QNG1: variants seen among roughly 807,000 people sequenced by gnomAD.
QNG1 encodes Q-nucleotide N-glycosylase 1, also known as queuosine 5'-phosphate N-glycosylase/hydrolase.
chr9:83,955,746 G>GGAAT, the QNG1 span: 1 of 1,041,806 alleles, frequency 9.6e-7, no homozygotes, highest in South Asian at 1.5e-5. Context: ...GAGTGGTATA[G>GGAAT]GAATGCACCA....
At chr9:83,951,233 G>A in the QNG1 span, among the ~76,000 whole-genome samples, 1 of 152,120 alleles carries the variant, frequency 6.6e-6, no homozygotes. Context: ...TTGTGCCATT[G>A]CACGCCAGCA....
the QNG1 span, among the ~76,000 whole-genome samples, chr9:83,943,273 G>A: frequency 6.7e-6 from 1 of 148,716 alleles, no homozygotes; most frequent in South Asian, 2.1e-4. Flanking sequence ...CTGGGAGGCG[G>A]AGGTTCTGGT....
the QNG1 span, among the ~76,000 whole-genome samples, chr9:83,948,350 C>CCCCA: frequency 8.2e-6 from 1 of 121,986 alleles, no homozygotes; most frequent in African/African-American, 2.6e-5. Flanking sequence ...GGAGGGTCTC[C>CCCCA]GCCCGGCAGC....
the QNG1 span, among the ~76,000 whole-genome samples, chr9:83,954,604 C>T: frequency 3.3e-5 from 5 of 149,458 alleles, no homozygotes; most frequent in Admixed American, 3.4e-4. Flanking sequence ...AAAAAAGGCC[C>T]GGCACAGTGG....
At chr9:83,948,320 C>T in the QNG1 span, among the ~76,000 whole-genome samples, 1 of 100,736 alleles carries the variant, frequency 9.9e-6, no homozygotes, top group Non-Finnish European at 2.7e-5. Context: ...CGCCCGGCAG[C>T]CGCCCCGTCT....
the QNG1 span, among the ~76,000 whole-genome samples, chr9:83,940,369 G>A: frequency 7.2e-5 from 11 of 152,162 alleles, no homozygotes; most frequent in South Asian, 4.1e-4. Flanking sequence ...TGGGAGGGTC[G>A]CTTGAGTCCA....
chr9:83,939,919 C>T, the QNG1 span, among the ~76,000 whole-genome samples: 1 of 152,104 alleles, frequency 6.6e-6, no homozygotes, highest in Non-Finnish European at 1.5e-5. Context: ...TTTTAAATTA[C>T]AAGTTAAATT....
chr9:83,945,726 C>G, the QNG1 span, among the ~76,000 whole-genome samples: 1 of 151,924 alleles, frequency 6.6e-6, no homozygotes, highest in Non-Finnish European at 1.5e-5. Context: ...CTCAGCCTCC[C>G]GAGTAGCTGG....
the QNG1 span, among the ~76,000 whole-genome samples, chr9:83,951,916 T>C: frequency 6.6e-6 from 1 of 152,336 alleles, no homozygotes; most frequent in East Asian, 1.9e-4. Flanking sequence ...TGTTCATGTC[T>C]AAAAATGAAT....
chr9:83,955,626 T>C, the QNG1 span: 10 of 1,611,816 alleles, frequency 6.2e-6, no homozygotes, highest in East Asian at 2.0e-4. Flanking sequence ...TACGAGGCAC[T>C]AGTTATTGGT....
At chr9:83,956,609 G>T in the QNG1 span, 1 of 881,874 alleles carries the variant, frequency 1.1e-6, no homozygotes, top group Non-Finnish European at 1.7e-6. Context: ...CCTAAACAAG[G>T]TCCCGCCCTG....
chr9:83,953,699 C>A, the QNG1 span: 1 of 856,036 alleles, frequency 1.2e-6, no homozygotes. Flanking sequence ...GCTCTGTCAC[C>A]CAGGCTGGAG....
the QNG1 span, among the ~76,000 whole-genome samples, chr9:83,945,164 G>A: frequency 6.6e-6 from 1 of 152,036 alleles, no homozygotes; most frequent in African/African-American, 2.4e-5. Context: ...AGCACTTTGG[G>A]AGGCTGAGGT....
the QNG1 span, among the ~76,000 whole-genome samples, chr9:83,949,409 C>G: frequency 6.6e-6 from 1 of 151,986 alleles, no homozygotes; most frequent in African/African-American, 2.4e-5. Flanking sequence ...TTTGGGAGGC[C>G]GAGGCGGGTG....
chr9:83,956,602 A>G, the QNG1 span: 6 of 970,584 alleles, frequency 6.2e-6, no homozygotes, highest in Non-Finnish European at 9.0e-6. Context: ...CACAGGGCCT[A>G]AACAAGGTCC....
chr9:83,945,014 G>A, the QNG1 span: 27 of 1,524,482 alleles, frequency 1.8e-5, no homozygotes, highest in South Asian at 8.6e-5. Context: ...GAATATAAAC[G>A]TTATTTGAGT....
chr9:83,951,924 AATG>A, the QNG1 span, among the ~76,000 whole-genome samples: 1 of 152,232 alleles, frequency 6.6e-6, no homozygotes, highest in East Asian at 1.9e-4. Context: ...TCTAAAAATG[AATG>A]ATAATCTCAG....
chr9:83,943,837 C>G, the QNG1 span, among the ~76,000 whole-genome samples: 1 of 151,970 alleles, frequency 6.6e-6, no homozygotes, highest in South Asian at 2.1e-4. Flanking sequence ...CTGGCTAACA[C>G]GGTGAAACCC....
the QNG1 span, chr9:83,955,522 G>T: frequency 1.5e-4 from 237 of 1,614,176 alleles, 1 homozygote; most frequent in South Asian, 2.3e-3. Context: ...CGGTTTCATT[G>T]AGAATCCGAT....
Sources: gnomAD v4.1 joint callset for allele counts (sites outside exome capture counted in the v4.1 genomes callset) on GRCh38, gnomAD v4.1.1 for gene constraint, MANE v1.5 for transcripts, NCBI Gene and HGNC (gene_info 2026-07-23, HGNC 2026-07-21) for gene names.